RASGRP1: variants seen among roughly 807,000 people sequenced by gnomAD.
The protein encoded by RASGRP1 is RAS guanyl-releasing protein 1.
RASGRP1 carries 37 observed loss-of-function variants against 95.1 expected under a neutral mutation model. The observed-to-expected ratio is 0.39, with a 90% confidence interval of 0.30 to 0.51. RASGRP1 has a LOEUF of 0.51. Among genes scored for constraint, RASGRP1 ranks in the 20% least tolerant of loss-of-function variants. The probability of loss-of-function intolerance (pLI) is 0.80; values close to 1 mark genes in which losing one functional copy is unlikely to be tolerated. For missense variants in RASGRP1, 711 were observed against 965.4 expected (o/e 0.74, Z 3.49); for synonymous variants, 325 against 353.4 (o/e 0.92, Z 0.90).
intron 2 of RASGRP1, among the ~76,000 whole-genome samples, chr15:38,539,999 C>G (rs540668627): frequency 2.4e-4 from 36 of 152,302 alleles, no homozygotes; most frequent in Middle Eastern, 6.8e-3. Context: ...TCACTGCACA[C>G]TTGACTTCCT....
At position 38,509,142 on chromosome 15, in the gene RASGRP1, C is replaced by G. The variant is rs533462426; in HGVS notation, c.967-1141G>C. On this transcript the variant is annotated intron_variant, in intron 8 of 16. Coordinates refer to ENST00000310803, the MANE Select transcript of RASGRP1 (RefSeq NM_005739.4). The stretch of plus-strand genomic sequence containing the variant: ...AGATGAAATTCCTTCTTACTTAGAT[C>G]TTAGCAACCTCAGCATATGATTTTT... Among the ~76,000 whole-genome samples, 4 of 152,256 alleles carry G rather than the reference C, an allele frequency of 2.6e-5. No homozygotes were observed. In the East Asian group the frequency reaches 7.7e-4, roughly 29 times the overall value.
intron 2 of RASGRP1, chr15:38,534,148 T>C (rs2141153875): frequency 6.6e-6 from 1 of 152,370 alleles, no homozygotes; most frequent in East Asian, 1.9e-4. Context: ...CCTTGCCCAA[T>C]GACTGGACAG....
Position 38,512,910 on chromosome 15 carries a change from T to C in RASGRP1, c.722A>G (p.Asn241Ser), listed in dbSNP as rs1336469702. 1.3e-5 allele frequency: 21 copies of C among 1,597,878 alleles called. No homozygotes were observed. Among genetic ancestry groups the C allele is most frequent in the Non-Finnish European group, 1.6e-5 (19 of 1,174,358 alleles). Residue 241 changes from asparagine to serine, a missense_variant, in exon 7 of 17, where the codon AAC (asparagine) becomes AGC (serine). By Grantham distance (46) the Asn-to-Ser change is conservative. Transcript: ENST00000310803. ...AGCAATAGATCGCTCCATGGTGGGG[T>C]TTTCCTTCACACAGCTATTTACAAG... The part of the protein sequence containing the change: ...NYLVNSCVKE[N>S]PTMERSIALC...
At chr15:38,499,649 G>A (rs748306868) in intron 14 of RASGRP1, among the ~76,000 whole-genome samples, 11 of 152,164 alleles carry the variant, frequency 7.2e-5, no homozygotes, top group Non-Finnish European at 1.5e-4. Flanking sequence ...TGGACTAAAT[G>A]GACAACTACT....
At chr15:38,515,524 A>C (rs1891723693) in intron 6 of RASGRP1, among the ~76,000 whole-genome samples, 1 of 151,868 alleles carries the variant, frequency 6.6e-6, no homozygotes, top group Non-Finnish European at 1.5e-5. Context: ...ATGAACCTGT[A>C]CTCTTTCTGT....
chr15:38,507,453 G>A (rs1010669819), intron 9 of RASGRP1, among the ~76,000 whole-genome samples: 1 of 152,140 alleles, frequency 6.6e-6, no homozygotes, highest in African/African-American at 2.4e-5. Context: ...TGCTTTTGTA[G>A]AGGTAGTGAA....
intron 2 of RASGRP1, among the ~76,000 whole-genome samples, chr15:38,544,599 A>T (rs1397588417): frequency 6.6e-6 from 1 of 152,196 alleles, no homozygotes; most frequent in Non-Finnish European, 1.5e-5. Flanking sequence ...TGTCTGTGTG[A>T]TGCCTTCTGC....
chr15:38,493,951 G>C (rs572210151), intron 16 of RASGRP1, among the ~76,000 whole-genome samples: 60 of 152,272 alleles, frequency 3.9e-4, no homozygotes, highest in African/African-American at 1.4e-3. Flanking sequence ...GAGACCTCTA[G>C]GGAAGGAGGA....
intron 9 of RASGRP1, among the ~76,000 whole-genome samples, chr15:38,506,917 A>G (rs1313442287): frequency 6.6e-6 from 1 of 152,218 alleles, no homozygotes; most frequent in Non-Finnish European, 1.5e-5. Context: ...AGACCTGCCA[A>G]GGTCACCTGG....
intron 2 of RASGRP1, among the ~76,000 whole-genome samples, chr15:38,553,403 A>C (rs929442531): frequency 1.3e-5 from 2 of 152,174 alleles, no homozygotes; most frequent in Non-Finnish European, 2.9e-5. Context: ...TGTTTTCATC[A>C]CAGATTTCAT....
chr15:38,547,220 G>A (rs1489325002), intron 2 of RASGRP1, among the ~76,000 whole-genome samples: 1 of 152,148 alleles, frequency 6.6e-6, no homozygotes, highest in African/African-American at 2.4e-5. Context: ...TGACTTCGTA[G>A]CAGAGCCTGT....
At chr15:38,499,223 T>C in intron 14 of RASGRP1, 1 of 567,638 alleles carries the variant, frequency 1.8e-6, no homozygotes, top group South Asian at 1.7e-5. Context: ...TCCCATACAT[T>C]CTGCCTACTC....
chr15:38,510,966 A>G (rs544127495), intron 8 of RASGRP1, among the ~76,000 whole-genome samples: 80 of 152,326 alleles, frequency 5.3e-4, no homozygotes, highest in African/African-American at 1.9e-3. Context: ...CTGTTTCTAT[A>G]AAAAAGAGAA....
intron 15 of RASGRP1, among the ~76,000 whole-genome samples, chr15:38,498,060 G>A (rs1332334814): frequency 6.6e-6 from 1 of 152,138 alleles, no homozygotes; most frequent in East Asian, 1.9e-4. Context: ...GAAAAATTGG[G>A]GCTATCATAG....
intron 1 of RASGRP1, among the ~76,000 whole-genome samples, chr15:38,562,240 T>C (rs1416325761): frequency 6.6e-6 from 1 of 152,208 alleles, no homozygotes; most frequent in African/African-American, 2.4e-5. Context: ...TAACTGGTAA[T>C]GTAAAGGCTG....
At chr15:38,539,559 T>G (rs1595870576) in intron 2 of RASGRP1, among the ~76,000 whole-genome samples, 2 of 145,640 alleles carry the variant, frequency 1.4e-5, no homozygotes, top group African/African-American at 2.6e-5. Flanking sequence ...TTTTTTTTTT[T>G]GTTTTTATTT....
At position 38,564,540 on chromosome 15, in the gene RASGRP1, C is replaced by T. The variant is rs1893954175; in HGVS notation, c.35+54G>A. On this transcript the variant is annotated intron_variant, in intron 1 of 16. Coordinates refer to ENST00000310803, the MANE Select transcript of RASGRP1 (RefSeq NM_005739.4). ...GTGTTGGGGCGACGGGCAGGGGCCT[C>T]TTTCCCAAGAAAGGACACAGGCGCT... 5 of 1,320,710 alleles carry T rather than the reference C, an allele frequency of 3.8e-6. No individual in the cohort carries two copies. In the Admixed American group the frequency reaches 1.4e-4, roughly 37 times the overall value. 81.8% of individuals were successfully genotyped at this position (1,320,710 alleles called of 1,614,324 possible).
intron 2 of RASGRP1, among the ~76,000 whole-genome samples, chr15:38,552,204 T>C (rs923249306): frequency 1.3e-5 from 2 of 152,242 alleles, no homozygotes; most frequent in African/African-American, 4.8e-5. Context: ...CATGATTTCC[T>C]TATCTCTAAG....
At chr15:38,551,046 A>G (rs1344022100) in intron 2 of RASGRP1, among the ~76,000 whole-genome samples, 1 of 152,228 alleles carries the variant, frequency 6.6e-6, no homozygotes, top group Non-Finnish European at 1.5e-5. Flanking sequence ...ATTCATAGTA[A>G]ATGCTCAAAA....
Sources: gnomAD v4.1 joint callset for allele counts (sites outside exome capture counted in the v4.1 genomes callset) on GRCh38, gnomAD v4.1.1 for gene constraint, MANE v1.5 for transcripts, NCBI Gene and HGNC (gene_info 2026-07-23, HGNC 2026-07-21) for gene names.